The following AKAP6 variants were observed in gnomAD, a reference collection of about 807,000 sequenced individuals.
AKAP6 encodes the protein A-kinase anchoring protein 6.
Under a neutral mutation model 188.5 loss-of-function variants are expected in AKAP6, and 58 were observed. The observed-to-expected ratio is 0.31, with a 90% CI of 0.25 to 0.38. AKAP6 has a LOEUF of 0.38. AKAP6 is among the 10% of genes least tolerant of loss of function. AKAP6 has a pLI of 1.00. For synonymous variants in AKAP6, 989 were observed against 998.6 expected, an observed-to-expected ratio of 0.99 and a Z score of 0.18; for missense variants, 2,710 against 2,740.0, an observed-to-expected ratio of 0.99 and a Z score of 0.24.
chr14:32,621,917 C>A (rs1886830055), intron 7 of AKAP6, among the ~76,000 whole-genome samples: 1 of 152,096 alleles, frequency 6.6e-6, no homozygotes, highest in African/African-American at 2.4e-5. Context: ...AATTTTTAAA[C>A]ACTTAATTTT....
At chr14:32,599,881 A>T (rs1885854576) in intron 6 of AKAP6, among the ~76,000 whole-genome samples, 1 of 152,216 alleles carries the variant, frequency 6.6e-6, no homozygotes, top group African/African-American at 2.4e-5. Context: ...GTACTTATAG[A>T]TATCATTACA....
intron 11 of AKAP6, among the ~76,000 whole-genome samples, chr14:32,764,919 G>A (rs2032661082): frequency 6.7e-6 from 1 of 149,884 alleles, no homozygotes; most frequent in African/African-American, 2.5e-5. Context: ...CTATTATTTT[G>A]CATTCAAGTG....
intron 7 of AKAP6, among the ~76,000 whole-genome samples, chr14:32,660,147 T>C (rs1888625719): frequency 6.6e-6 from 1 of 152,142 alleles, no homozygotes; most frequent in Admixed American, 6.6e-5. Flanking sequence ...GGTTTAGATT[T>C]GGTAGTGAGA....
At chr14:32,486,380 G>A (rs1879694753) in intron 2 of AKAP6, among the ~76,000 whole-genome samples, 1 of 152,150 alleles carries the variant, frequency 6.6e-6, no homozygotes, top group South Asian at 2.1e-4. Flanking sequence ...GATGGGAATA[G>A]CATTGAATCT....
chr14:32,378,621 G>A (rs1888236038), intron 1 of AKAP6, among the ~76,000 whole-genome samples: 1 of 152,192 alleles, frequency 6.6e-6, no homozygotes, highest in Admixed American at 6.5e-5. Context: ...TCATGTGCAT[G>A]ATCTATTAGG....
chr14:32,728,410 T>A (rs1249990620), intron 9 of AKAP6, among the ~76,000 whole-genome samples: 1 of 151,800 alleles, frequency 6.6e-6, no homozygotes, highest in Non-Finnish European at 1.5e-5. Flanking sequence ...TATCTATCAG[T>A]CAATCATGCA....
intron 7 of AKAP6, among the ~76,000 whole-genome samples, chr14:32,602,489 T>A (rs747077588): frequency 2.0e-5 from 3 of 152,130 alleles, no homozygotes; most frequent in Non-Finnish European, 4.4e-5. Flanking sequence ...AGAGAGATCC[T>A]GTCTCTAAAA....
At chr14:32,804,094 C>A (rs2034026654) in intron 12 of AKAP6, among the ~76,000 whole-genome samples, 1 of 152,206 alleles carries the variant, frequency 6.6e-6, no homozygotes, top group Non-Finnish European at 1.5e-5. Flanking sequence ...CTATAAAGTG[C>A]TTAGGATATT....
intron 1 of AKAP6, among the ~76,000 whole-genome samples, chr14:32,335,882 G>C (rs1886681496): frequency 7.1e-6 from 1 of 140,752 alleles, no homozygotes; most frequent in South Asian, 2.3e-4. Context: ...CTCTCTCCAG[G>C]AGGCCAGAGG....
intron 7 of AKAP6, among the ~76,000 whole-genome samples, chr14:32,667,269 C>A (rs1888983576): frequency 1.3e-5 from 2 of 151,998 alleles, no homozygotes; most frequent in Admixed American, 1.3e-4. Context: ...AATAGTGTGT[C>A]TAAATGAGAA....
intron 5 of AKAP6, among the ~76,000 whole-genome samples, chr14:32,589,893 G>A (rs1885416389): frequency 6.6e-6 from 1 of 152,128 alleles, no homozygotes. Context: ...ACTGTGCATG[G>A]ATGAGAGACT....
At position 32,822,008 on chromosome 14, in the gene AKAP6, G is replaced by A. The variant is rs778790045; in HGVS notation, c.4195G>A (p.Asp1399Asn). 1 of 1,613,738 alleles carries A rather than the reference G, an allele frequency of 6.2e-7. No individual in the cohort carries two copies. Among genetic ancestry groups the A allele is most frequent in the African/African-American group, 1.3e-5 (1 of 74,856 alleles). Residue 1399 changes from aspartate (D) to asparagine (N), a missense_variant, in exon 13 of 14, where the codon GAC (aspartate) becomes AAC (asparagine). By Grantham distance (23) the Asp-to-Asn change is conservative. Transcript: ENST00000280979. ...SPSNLETEHL[D>N]PQMGDAVNVL... Reference sequence around the variant, plus strand: ...AAGTAACCTTGAAACTGAACATCTGGACCCACAAATGGGAGATGCAGTTAA... The same window carrying A: ...AAGTAACCTTGAAACTGAACATCTGAACCCACAAATGGGAGATGCAGTTAA...
At chr14:32,813,219 A>G (rs2034283952) in intron 12 of AKAP6, among the ~76,000 whole-genome samples, 2 of 152,118 alleles carry the variant, frequency 1.3e-5, no homozygotes, top group African/African-American at 4.8e-5. Flanking sequence ...TAAAGATACA[A>G]CTCAAGAAAA....
chr14:32,807,640 G>T (rs1379072660), intron 12 of AKAP6, among the ~76,000 whole-genome samples: 1 of 152,132 alleles, frequency 6.6e-6, no homozygotes, highest in Non-Finnish European at 1.5e-5. Context: ...GTTTCTTCTT[G>T]TGTATCTCAC....
chr14:32,675,491 T>C (rs1335733290), intron 7 of AKAP6, among the ~76,000 whole-genome samples: 2 of 152,238 alleles, frequency 1.3e-5, no homozygotes, highest in Non-Finnish European at 2.9e-5. Flanking sequence ...TTCAACTCTT[T>C]CTCTTAAAAA....
At chr14:32,689,356 G>A (rs139253150) in intron 8 of AKAP6, among the ~76,000 whole-genome samples, 212 of 152,046 alleles carry the variant, frequency 1.4e-3, no homozygotes, top group African/African-American at 4.3e-3. Flanking sequence ...AATAGGTGTT[G>A]GTGGACAGAT....
intron 4 of AKAP6, among the ~76,000 whole-genome samples, chr14:32,565,982 C>T (rs1884169079): frequency 6.6e-6 from 1 of 152,176 alleles, no homozygotes; most frequent in Admixed American, 6.5e-5. Flanking sequence ...GAGTGAGTTA[C>T]ATGTCTTTTC....
chr14:32,339,708 T>G (rs1029574394), intron 1 of AKAP6, among the ~76,000 whole-genome samples: 8 of 152,150 alleles, frequency 5.3e-5, no homozygotes, highest in Non-Finnish European at 1.0e-4. Context: ...TGATAAGCCA[T>G]GACAGTCAGC....
chr14:32,415,054 G>A (rs1044165606), intron 1 of AKAP6, among the ~76,000 whole-genome samples: 1 of 152,134 alleles, frequency 6.6e-6, no homozygotes, highest in Non-Finnish European at 1.5e-5. Context: ...AATATTTCAT[G>A]GACAGAGACA....
Sources: gnomAD v4.1 joint callset for allele counts (sites outside exome capture counted in the v4.1 genomes callset) on GRCh38, gnomAD v4.1.1 for gene constraint, MANE v1.5 for transcripts, NCBI Gene and HGNC (gene_info 2026-07-23, HGNC 2026-07-21) for gene names.